The following FOCAD variants were observed in gnomAD, a reference collection of about 807,000 sequenced individuals.
FOCAD encodes the protein focadhesin.
FOCAD carries 198 observed loss-of-function variants against 225.6 expected under a neutral mutation model. The observed-to-expected ratio is 0.88, with a 90% CI of 0.78 to 0.99. FOCAD has a LOEUF of 0.99. FOCAD is among the 50% of genes least tolerant of loss of function. The pLI is 0.00. For missense variants in FOCAD, 2,713 were observed against 2,123.6 expected, an observed-to-expected ratio of 1.28 and a Z score of -5.46; for synonymous variants, 897 against 755.0, an observed-to-expected ratio of 1.19 and a Z score of -3.08.
chr9:20,772,115 A>G (rs2131019930), intron 8 of FOCAD, among the ~76,000 whole-genome samples: 1 of 152,322 alleles, frequency 6.6e-6, no homozygotes. Flanking sequence ...CAGAATCAGT[A>G]GGGCTTTATG....
intron 4 of FOCAD, among the ~76,000 whole-genome samples, chr9:20,725,237 C>T (rs1380226422): frequency 6.6e-6 from 1 of 152,182 alleles, no homozygotes; most frequent in African/African-American, 2.4e-5. Flanking sequence ...CAGTTTGGGT[C>T]TTCAGTTTCC....
chr9:20,829,573 G>A (rs1427108983), intron 15 of FOCAD, among the ~76,000 whole-genome samples: 1 of 151,844 alleles, frequency 6.6e-6, no homozygotes, highest in Non-Finnish European at 1.5e-5. Flanking sequence ...CAGATCCTTT[G>A]AATATTTTCT....
rs1326994469 is a variant in FOCAD, at chr9:20,953,210, T to C, written c.4132+145T>C. 6.4e-6 allele frequency: 4 copies of C among 626,208 alleles called. No individual in the cohort carries two copies. In the East Asian group the frequency reaches 8.3e-5, roughly 13 times the overall value. The allele number at this position is 626,208 out of a possible 1,614,324, so 38.8% of individuals were successfully genotyped here. On this transcript the variant is annotated intron_variant, in intron 35 of 43. Coordinates refer to ENST00000338382, the MANE Select transcript of FOCAD (RefSeq NM_001375567.1). ...TTCGTCTGCTAAACCATCTTTGCAA[T>C]AGAGATGACCAGCAGCTAGCTACAA...
In FOCAD at chr9:20,819,944, G is replaced by A. The variant is rs760465960; in HGVS notation, c.1560+44G>A. On this transcript the variant is annotated intron_variant, in intron 12 of 43. Coordinates refer to ENST00000338382, the MANE Select transcript of FOCAD (RefSeq NM_001375567.1). ...TTAGTTGGCGAAAAAAGTGAGTCAT[G>A]AATAATACTTTGAATTCTTTTTGGT... The A allele has an allele frequency of 6.0e-6, 7 of 1,158,744 alleles. No homozygotes were observed. In the South Asian group the frequency reaches 1.1e-4, roughly 18 times the overall value. The allele number at this position is 1,158,744 out of a possible 1,614,324, so 71.8% of individuals were successfully genotyped here.
chr9:20,861,156 G>A (rs1459593638), intron 15 of FOCAD, among the ~76,000 whole-genome samples: 8 of 152,154 alleles, frequency 5.3e-5, no homozygotes, highest in African/African-American at 1.9e-4. Context: ...ATTTTCTGTT[G>A]AAATAGTTTA....
intron 2 of FOCAD, among the ~76,000 whole-genome samples, chr9:20,666,014 C>A (rs1055064255): frequency 3.3e-5 from 5 of 152,128 alleles, no homozygotes; most frequent in Non-Finnish European, 7.4e-5. Context: ...CCTGCCTCAG[C>A]CTCCCGAGTA....
rs148177895 is a variant in FOCAD, at chr9:20,789,604, C to T, written c.1451C>T (p.Ser484Phe). 6.2e-7 allele frequency: 1 copy of T among 1,613,638 alleles called. No individual in the cohort carries two copies. ...VTTELAQADS[S>F]QVPNLIPVLM... ...ACAGAATTAGCCCAAGCAGATTCCT[C>T]CCAGGTAAAGCAAGAGAATAATGGA... Residue 484 changes from serine to phenylalanine, a missense_variant, in exon 11 of 44, where the codon TCC becomes TTC. Transcript: ENST00000338382.
chr9:20,782,475 C>T (rs1010322054), intron 10 of FOCAD, among the ~76,000 whole-genome samples: 4 of 152,202 alleles, frequency 2.6e-5, no homozygotes, highest in Non-Finnish European at 5.9e-5. Context: ...TGCCACATTC[C>T]GTTTCCAATC....
At chr9:20,827,137 C>T (rs1824981070) in intron 15 of FOCAD, among the ~76,000 whole-genome samples, 1 of 152,068 alleles carries the variant, frequency 6.6e-6, no homozygotes, top group Admixed American at 6.6e-5. Flanking sequence ...TCATCACAAT[C>T]AATTTTAGGA....
intron 5 of FOCAD, among the ~76,000 whole-genome samples, chr9:20,745,454 T>C (rs900169463): frequency 6.6e-6 from 1 of 152,158 alleles, no homozygotes; most frequent in African/African-American, 2.4e-5. Context: ...TTCGCTAGTG[T>C]TTTGGTTGCA....
At chr9:20,938,839 AT>A (rs1048328970) in intron 28 of FOCAD, among the ~76,000 whole-genome samples, 4 of 151,970 alleles carry the variant, frequency 2.6e-5, no homozygotes, top group Admixed American at 6.6e-5. Context: ...TATTACAAAT[AT>A]TTTTCTCAGT....
chr9:20,745,707 C>G (rs1388728632), intron 5 of FOCAD, among the ~76,000 whole-genome samples: 6 of 152,120 alleles, frequency 3.9e-5, no homozygotes, highest in Non-Finnish European at 8.8e-5. Context: ...TTCTGATGTG[C>G]CAGACAGTGG....
At chr9:20,845,177 A>G (rs1420140082) in intron 15 of FOCAD, among the ~76,000 whole-genome samples, 4 of 151,998 alleles carry the variant, frequency 2.6e-5, no homozygotes, top group African/African-American at 9.7e-5. Context: ...GAATATGCAT[A>G]TTGGTTTTTA....
At chr9:20,826,376 A>G (rs1824893057) in intron 15 of FOCAD, among the ~76,000 whole-genome samples, 1 of 152,170 alleles carries the variant, frequency 6.6e-6, no homozygotes, top group Non-Finnish European at 1.5e-5. Context: ...TCAGACTCCA[A>G]GTTCTTCAGC....
intron 24 of FOCAD, among the ~76,000 whole-genome samples, chr9:20,917,184 G>GC (rs1433482036): frequency 2.6e-5 from 4 of 151,832 alleles, no homozygotes; most frequent in Non-Finnish European, 5.9e-5. Flanking sequence ...CTGAAGTTGA[G>GC]CCCCTGCTGT....
chr9:20,844,177 TAGAAACCAC>T (rs1826832948), intron 15 of FOCAD, among the ~76,000 whole-genome samples: 1 of 152,020 alleles, frequency 6.6e-6, no homozygotes, highest in African/African-American at 2.4e-5. Flanking sequence ...GGCCCTAAAG[TAGAAACCAC>T]CCAGATGGCC....
At chr9:20,774,179 A>G (rs750663235) in intron 8 of FOCAD, among the ~76,000 whole-genome samples, 1 of 152,128 alleles carries the variant, frequency 6.6e-6, no homozygotes, top group Non-Finnish European at 1.5e-5. Flanking sequence ...CTTCCATGAA[A>G]CCAGCCCCTG....
At chr9:20,799,318 A>G (rs1404925424) in intron 11 of FOCAD, among the ~76,000 whole-genome samples, 12 of 152,150 alleles carry the variant, frequency 7.9e-5, no homozygotes, top group Non-Finnish European at 1.6e-4. Context: ...AAGAATGTAT[A>G]TTCTGTTGAT....
chr9:20,861,677 A>T (rs766228274), intron 15 of FOCAD, among the ~76,000 whole-genome samples: 6 of 152,206 alleles, frequency 3.9e-5, no homozygotes, highest in Non-Finnish European at 8.8e-5. Flanking sequence ...TAGTTTTTCT[A>T]AATAATTTAT....
Sources: allele counts gnomAD v4.1 joint callset (sites outside exome capture counted in the v4.1 genomes callset), GRCh38; gene constraint gnomAD v4.1.1; transcripts MANE v1.5; gene names NCBI Gene and HGNC (gene_info 2026-07-23, HGNC 2026-07-21).